Variants in CNTLN observed in about 807,000 individuals in gnomAD.
CNTLN encodes centlein, also known as centlein, centrosomal protein.
In CNTLN, 212 loss-of-function variants were observed where a neutral mutation model predicts 180.0. The ratio of observed to expected loss-of-function variants is 1.18; its 90% CI spans 1.05 to 1.32. The LOEUF is 1.32. Among genes scored for constraint, CNTLN ranks in the 40% most tolerant of loss-of-function variants. CNTLN has a pLI of 0.00. For synonymous variants in CNTLN, 722 were observed against 563.1 expected (o/e 1.28, Z -3.99); for missense variants, 2,095 against 1,610.9 (o/e 1.30, Z -5.14).
At chr9:17,164,457 G>GTTTTCT (rs1554646252) in intron 2 of CNTLN, among the ~76,000 whole-genome samples, 1 of 68,456 alleles carries the variant, frequency 1.5e-5, no homozygotes, top group African/African-American at 6.1e-5. Context: ...TTATTTTTAT[G>GTTTTCT]TTTTTTTTTT....
intron 6 of CNTLN, among the ~76,000 whole-genome samples, chr9:17,297,691 C>T (rs1231224476): frequency 1.3e-5 from 2 of 152,316 alleles, no homozygotes; most frequent in African/African-American, 4.8e-5. Flanking sequence ...TATCCCAGCC[C>T]AGGACCCTGA....
chr9:17,525,605 A>C, the CNTLN span, among the ~76,000 whole-genome samples: 91 of 152,338 alleles, frequency 6.0e-4, no homozygotes, highest in African/African-American at 2.2e-3. Flanking sequence ...TAAAATTAAA[A>C]ATTACATATG....
intron 5 of CNTLN, among the ~76,000 whole-genome samples, chr9:17,256,226 G>T (rs1466998208): frequency 6.6e-6 from 1 of 151,906 alleles, no homozygotes; most frequent in Non-Finnish European, 1.5e-5. Context: ...ATACATGTGT[G>T]TTTTTGGTAG....
chr9:17,251,128 A>G (rs1826114922), intron 5 of CNTLN, among the ~76,000 whole-genome samples: 1 of 152,012 alleles, frequency 6.6e-6, no homozygotes, highest in African/African-American at 2.4e-5. Flanking sequence ...CTCATTAAGG[A>G]TGCCATGTAT....
At chr9:17,342,281 C>G in intron 11 of CNTLN, 44 bp from the exon 12 acceptor site, 1 of 1,590,090 alleles carries the variant, frequency 6.3e-7, no homozygotes, top group East Asian at 2.2e-5. Flanking sequence ...TTTTATTGCA[C>G]TTCAGACATG....
chr9:17,175,060 G>A (rs1049932879), intron 2 of CNTLN, among the ~76,000 whole-genome samples: 2 of 152,136 alleles, frequency 1.3e-5, no homozygotes, highest in Non-Finnish European at 2.9e-5. Context: ...TCAACTATGT[G>A]GTTTGCAAAT....
intron 5 of CNTLN, among the ~76,000 whole-genome samples, chr9:17,253,163 G>T (rs1465670278): frequency 1.3e-5 from 2 of 151,778 alleles, no homozygotes; most frequent in Non-Finnish European, 3.0e-5. Context: ...TGCTGTTTCA[G>T]TTAATATATC....
At chr9:17,262,836 G>T (rs1827104249) in intron 5 of CNTLN, among the ~76,000 whole-genome samples, 1 of 151,292 alleles carries the variant, frequency 6.6e-6, no homozygotes, top group African/African-American at 2.5e-5. Flanking sequence ...TATGATGTTG[G>T]CTGTGGGTTT....
chr9:17,271,279 G>C (rs1262503593), intron 5 of CNTLN, among the ~76,000 whole-genome samples: 1 of 151,956 alleles, frequency 6.6e-6, no homozygotes, highest in Admixed American at 6.6e-5. Context: ...GATTTGTGGG[G>C]GCGCACCATA....
chr9:17,268,764 G>A (rs1330261701), intron 5 of CNTLN, among the ~76,000 whole-genome samples: 1 of 151,910 alleles, frequency 6.6e-6, no homozygotes, highest in Admixed American at 6.6e-5. Flanking sequence ...CCCCAGCCTC[G>A]CTGCCACCTT....
intron 12 of CNTLN, among the ~76,000 whole-genome samples, chr9:17,355,211 G>C (rs756881591): frequency 2.0e-5 from 3 of 152,180 alleles, no homozygotes; most frequent in African/African-American, 7.2e-5. Context: ...AGTAGGGACG[G>C]GGTTTCGCCA....
At chr9:17,480,017 G>T (rs751879895) in intron 23 of CNTLN, among the ~76,000 whole-genome samples, 2 of 151,916 alleles carry the variant, frequency 1.3e-5, no homozygotes, top group African/African-American at 2.4e-5. Context: ...ATCAATCATG[G>T]TGCATATATT....
intron 2 of CNTLN, among the ~76,000 whole-genome samples, chr9:17,198,388 T>G (rs998720156): frequency 2.3e-5 from 3 of 130,060 alleles, no homozygotes; most frequent in African/African-American, 9.5e-5. Flanking sequence ...TTTTCTTTCT[T>G]TTTTTTTTTT....
At chr9:17,191,607 C>T (rs1469791066) in intron 2 of CNTLN, among the ~76,000 whole-genome samples, 1 of 152,022 alleles carries the variant, frequency 6.6e-6, no homozygotes, top group Non-Finnish European at 1.5e-5. Context: ...TTCTTAAGAA[C>T]CTGAGTTAGT....
chr9:17,295,054 C>G (rs181963172), intron 6 of CNTLN, among the ~76,000 whole-genome samples: 2,464 of 152,016 alleles, frequency 0.016, 70 homozygotes, highest in African/African-American at 0.057. Flanking sequence ...ACCTGGTGCA[C>G]TGTCCGCGGC....
chr9:17,249,246 C>G (rs1825982031), intron 5 of CNTLN, among the ~76,000 whole-genome samples: 1 of 151,876 alleles, frequency 6.6e-6, no homozygotes, highest in South Asian at 2.1e-4. Flanking sequence ...GCATTTGCTA[C>G]ATGGTATAGT....
intron 6 of CNTLN, among the ~76,000 whole-genome samples, chr9:17,291,796 C>A (rs903288591): frequency 6.6e-6 from 1 of 152,090 alleles, no homozygotes; most frequent in Non-Finnish European, 1.5e-5. Context: ...GGGCATTTAG[C>A]CCATTTACAT....
At chr9:17,456,266 T>C (rs1244819950) in intron 18 of CNTLN, among the ~76,000 whole-genome samples, 1 of 152,132 alleles carries the variant, frequency 6.6e-6, no homozygotes, top group Non-Finnish European at 1.5e-5. Flanking sequence ...ATTAGGCTCT[T>C]TTGGGGCAAC....
rs540535681 is a variant in CNTLN, at chr9:17,383,879, C to A, written c.1988-4283C>A. ...GGTCTCGATCTCCTGACCTCGTGAT[C>A]TGCCTGTCTCGGCCTCCCAAAGTAC... On this transcript the variant is annotated intron_variant, in intron 13 of 25. Transcript: ENST00000380647. Among the ~76,000 whole-genome samples the A allele has an allele frequency of 2.0e-5, 3 of 152,216 alleles. No individual in the cohort carries two copies. The East Asian group carries it at 5.8e-4, about 29-fold the overall frequency.
Sources: gnomAD v4.1 joint callset for allele counts (sites outside exome capture counted in the v4.1 genomes callset) on GRCh38, gnomAD v4.1.1 for gene constraint, MANE v1.5 for transcripts, NCBI Gene and HGNC (gene_info 2026-07-23, HGNC 2026-07-21) for gene names.